Variants in C19orf18 observed in about 807,000 individuals in gnomAD.
The protein encoded by C19orf18 is uncharacterized protein C19orf18.
In C19orf18, 21 loss-of-function variants were observed where a neutral mutation model predicts 23.3. That is an observed-to-expected ratio of 0.90 (90% CI 0.64 to 1.30). The LOEUF (loss-of-function observed/expected upper bound fraction) is 1.30. Ranked by LOEUF, C19orf18 falls within the 50% of genes most tolerant of loss-of-function variation. The probability of loss-of-function intolerance (pLI) is 0.00; values close to 1 mark genes in which losing one functional copy is unlikely to be tolerated. For missense variants in C19orf18, 249 were observed against 259.6 expected (o/e 0.96, Z 0.28); for synonymous variants, 96 against 95.2 (o/e 1.01, Z -0.05).
intron 4 of C19orf18, among the ~76,000 whole-genome samples, chr19:57,964,050 T>G (rs189645846): frequency 2.0e-4 from 30 of 152,290 alleles, no homozygotes; most frequent in Admixed American, 1.0e-3. Flanking sequence ...AACTTGTACT[T>G]TTGAACAGGT....
intron 5 of C19orf18, among the ~76,000 whole-genome samples, chr19:57,961,049 A>C (rs1191108382): frequency 3.3e-5 from 5 of 151,818 alleles, no homozygotes; most frequent in African/African-American, 7.3e-5. Context: ...TCCTGGCTAA[A>C]ATGGTGAAAC....
intron 4 of C19orf18, among the ~76,000 whole-genome samples, chr19:57,963,109 C>T (rs1356909449): frequency 6.6e-6 from 1 of 151,318 alleles, no homozygotes; most frequent in Non-Finnish European, 1.5e-5. Flanking sequence ...TCACCACAAC[C>T]TCCACCTCCC....
intron 4 of C19orf18, among the ~76,000 whole-genome samples, chr19:57,963,334 C>G (rs900978841): frequency 7.2e-5 from 11 of 151,824 alleles, no homozygotes; most frequent in South Asian, 2.1e-4. Flanking sequence ...CGGTCCTTAA[C>G]TCAGTATTTT....
intron 3 of C19orf18, among the ~76,000 whole-genome samples, chr19:57,969,473 T>G (rs939089118): frequency 3.6e-5 from 5 of 139,306 alleles, no homozygotes; most frequent in Non-Finnish European, 7.5e-5. Context: ...GAGAATCACT[T>G]GAGCCCAGGA....
intron 2 of C19orf18, among the ~76,000 whole-genome samples, chr19:57,973,891 A>AAAGG (rs60242822): frequency 2.3e-5 from 2 of 85,610 alleles, no homozygotes; most frequent in African/African-American, 5.3e-5. Context: ...GTGAAATGAA[A>AAAGG]AAGAGAAGAA....
At chr19:57,961,245 TGAAAGAAA>T (rs570123624) in intron 5 of C19orf18, 138 bp downstream of exon 5, 3 of 818,156 alleles carry the variant, frequency 3.7e-6, no homozygotes, top group South Asian at 4.1e-5. Flanking sequence ...AAAAAAAAAA[TGAAAGAAA>T]GAAAGGAAGG....
At chr19:57,966,824 T>G (rs1032820894) in intron 3 of C19orf18, among the ~76,000 whole-genome samples, 192 bp from the exon 4 acceptor site, 84 of 151,630 alleles carry the variant, frequency 5.5e-4, no homozygotes, top group Non-Finnish European at 1.1e-3. Context: ...CAGGCTGGAG[T>G]GCAGTGCATG....
intron 4 of C19orf18, among the ~76,000 whole-genome samples, chr19:57,962,888 GTTTAT>G (rs1330105094): frequency 2.0e-5 from 3 of 152,020 alleles, no homozygotes; most frequent in Non-Finnish European, 4.4e-5. Context: ...TTTAGGGTTA[GTTTAT>G]TTTTTGTTTT....
intron 5 of C19orf18, among the ~76,000 whole-genome samples, chr19:57,959,754 C>T (rs2072852215): frequency 6.7e-6 from 1 of 149,474 alleles, no homozygotes; most frequent in African/African-American, 2.5e-5. Context: ...GATATTGCAC[C>T]ACTGCACTCC....
intron 2 of C19orf18, among the ~76,000 whole-genome samples, chr19:57,973,635 G>A (rs892293953): frequency 6.6e-6 from 1 of 151,298 alleles, no homozygotes; most frequent in Non-Finnish European, 1.5e-5. Context: ...TGAGGCAGGA[G>A]AATGGTGTGA....
chr19:57,966,742 C>T (rs2072911122), intron 3 of C19orf18, 110 bp from the exon 4 acceptor site: 2 of 683,872 alleles, frequency 2.9e-6, no homozygotes, highest in African/African-American at 3.7e-5. Context: ...ACCAGAAACA[C>T]TTTCAAAAAT....
At position 57,958,461 on chromosome 19, in the gene C19orf18, T is replaced by C. The variant is rs527374066; in HGVS notation, c.*141A>G. Reference sequence around the variant, plus strand: ...GTTGCTATATCATGTGGCTTTATTTTCTGGGATACAGGTCTGGCATTTCTT... The same window carrying C: ...GTTGCTATATCATGTGGCTTTATTTCCTGGGATACAGGTCTGGCATTTCTT... On this transcript the variant is annotated 3_prime_UTR_variant, in exon 6 of 6. Transcript: ENST00000314391. The C allele has an allele frequency of 1.5e-4, 84 of 577,506 alleles. 1 individual carries two copies. Among genetic ancestry groups the C allele is most frequent in the Non-Finnish European group, 2.5e-4 (81 of 329,598 alleles). The allele number at this position is 577,506 out of a possible 1,614,324, so 35.8% of individuals were successfully genotyped here. A position where few individuals can be genotyped will look rare whatever the true frequency, so the allele number is the denominator to read the frequency against.
At chr19:57,968,198 G>C (rs2072921193) in intron 3 of C19orf18, among the ~76,000 whole-genome samples, 1 of 152,248 alleles carries the variant, frequency 6.6e-6, no homozygotes, top group Admixed American at 6.5e-5. Context: ...ACAGCTCTCT[G>C]TGACTTCTAC....
intron 1 of C19orf18, 52 bp from the exon 2 acceptor site, chr19:57,974,255 C>T (rs377419689): frequency 1.5e-5 from 25 of 1,613,388 alleles, no homozygotes; most frequent in Non-Finnish European, 2.0e-5. Context: ...TTTTTATCTC[C>T]CCTGAAACAG....
At chr19:57,961,908 CTTTCT>C (rs1485574791) in intron 4 of C19orf18, among the ~76,000 whole-genome samples, 1 of 149,756 alleles carries the variant, frequency 6.7e-6, no homozygotes, top group African/African-American at 2.5e-5. Context: ...TTTCCTTTTT[CTTTCT>C]TCTTTCCTCT....
rs370520327 is a variant in C19orf18, at chr19:57,958,594, G to A, written c.*8C>T. On this transcript the variant is annotated 3_prime_UTR_variant, in exon 6 of 6. Transcript: ENST00000314391. The stretch of plus-strand genomic sequence containing the variant: ...CTCTGCCTCAGCCGGCACCTCTGTC[G>A]TCTGCGTTCACAAGTCTTCCATTTT... 2.5e-4 allele frequency: 395 copies of A among 1,568,412 alleles called. 1 individual carries two copies. Among genetic ancestry groups the A allele is most frequent in the Middle Eastern group, 1.2e-3 (7 of 5,970 alleles).
chr19:57,973,491 C>T (rs553542121), intron 2 of C19orf18, among the ~76,000 whole-genome samples: 3 of 151,968 alleles, frequency 2.0e-5, no homozygotes, highest in East Asian at 1.9e-4. Flanking sequence ...TTTGAGAGGC[C>T]GAGGCGGGCG....
At chr19:57,969,566 G>GA (rs59100128) in intron 3 of C19orf18, among the ~76,000 whole-genome samples, 593 of 46,506 alleles carry the variant, frequency 0.013, 28 homozygotes, top group African/African-American at 0.035. Flanking sequence ...AAAAAAAACA[G>GA]AAAAAAAAAA....
Position 57,958,561 on chromosome 19 carries a change from A to G in C19orf18, c.*41T>C, listed in dbSNP as rs1233977082. On this transcript the variant is annotated 3_prime_UTR_variant, in exon 6 of 6. Coordinates refer to ENST00000314391, the MANE Select transcript of C19orf18 (RefSeq NM_152474.5). ...AGGCTCAGTCTCCCAGCACCCCCAT[A>G]GTTTCTCCTCTGCCTCAGCCGGCAC... 3.7e-6 allele frequency: 5 copies of G among 1,360,886 alleles called. No homozygotes were observed. The highest frequency in any genetic ancestry group is 1.5e-5 in the African/African-American group (1 of 68,436). The allele number at this position is 1,360,886 out of a possible 1,614,324, so 84.3% of individuals were successfully genotyped here. A position where few individuals can be genotyped will look rare whatever the true frequency, so the allele number is the denominator to read the frequency against.
Sources: gnomAD v4.1 joint callset for allele counts (sites outside exome capture counted in the v4.1 genomes callset) on GRCh38, gnomAD v4.1.1 for gene constraint, MANE v1.5 for transcripts, NCBI Gene and HGNC (gene_info 2026-07-23, HGNC 2026-07-21) for gene names.